Variants in ARAP2 observed in about 807,000 individuals in gnomAD.
ARAP2 encodes arf-GAP with Rho-GAP domain, ANK repeat and PH domain-containing protein 2.
A neutral mutation model predicts 194.5 loss-of-function variants in ARAP2; 148 were observed. The observed-to-expected ratio is 0.76, with a 90% CI of 0.67 to 0.87. The LOEUF is 0.87. ARAP2 is among the 40% of genes least tolerant of loss of function. ARAP2 has a pLI of 0.00. For missense variants in ARAP2, 2,128 were observed against 1,989.7 expected (o/e 1.07, Z -1.32); for synonymous variants, 695 against 683.5 (o/e 1.02, Z -0.26).
intron 26 of ARAP2, among the ~76,000 whole-genome samples, chr4:36,112,896 G>T (rs1720387294): frequency 1.3e-5 from 2 of 151,746 alleles, no homozygotes; most frequent in Admixed American, 1.3e-4. Context: ...ATACATGTTA[G>T]CCAAGCACAA....
At chr4:36,119,605 T>G in intron 24 of ARAP2, 45 bp downstream of exon 24, 2 of 1,381,158 alleles carry the variant, frequency 1.4e-6, no homozygotes, top group Middle Eastern at 1.8e-4. Flanking sequence ...CAATGGAAGT[T>G]TTTGTTTTGT....
chr4:36,085,751 T>C (rs936523532), intron 28 of ARAP2, among the ~76,000 whole-genome samples: 1 of 152,104 alleles, frequency 6.6e-6, no homozygotes, highest in African/African-American at 2.4e-5. Flanking sequence ...AACTTGAAAA[T>C]AATTGCATTA....
intron 22 of ARAP2, 128 bp downstream of exon 22, chr4:36,124,734 C>T (rs1430601279): frequency 5.8e-5 from 31 of 534,778 alleles, no homozygotes; most frequent in Non-Finnish European, 9.5e-5. Context: ...GTAAATGTGA[C>T]TTAATTACAG....
chr4:36,173,673 T>G (rs949431872), intron 9 of ARAP2, among the ~76,000 whole-genome samples: 1 of 151,842 alleles, frequency 6.6e-6, no homozygotes, highest in South Asian at 2.1e-4. Flanking sequence ...AAAAAAAAAT[T>G]TTAAAGCGAA....
intron 27 of ARAP2, among the ~76,000 whole-genome samples, chr4:36,101,159 T>C (rs1289672869): frequency 1.3e-5 from 2 of 151,976 alleles, no homozygotes; most frequent in African/African-American, 4.8e-5. Flanking sequence ...CCATTTGATA[T>C]AAGGGACTTG....
At chr4:36,240,047 A>C (rs1254633150) in intron 1 of ARAP2, among the ~76,000 whole-genome samples, 1 of 152,156 alleles carries the variant, frequency 6.6e-6, no homozygotes, top group East Asian at 1.9e-4. Flanking sequence ...TAACTATGTA[A>C]CTTAAGTTAT....
At chr4:36,164,087 T>A (rs1734720321) in intron 11 of ARAP2, among the ~76,000 whole-genome samples, 2 of 152,176 alleles carry the variant, frequency 1.3e-5, no homozygotes. Context: ...ATTTGTCTCA[T>A]TATTGTGGAG....
chr4:36,096,362 CAAAAAAAAA>C (rs10632831), intron 27 of ARAP2, among the ~76,000 whole-genome samples: 2 of 80,996 alleles, frequency 2.5e-5, no homozygotes, highest in Admixed American at 1.4e-4. Flanking sequence ...GAGACTCTCT[CAAAAAAAAA>C]AAAAAAAAAG....
At chr4:36,041,008 T>C (rs1168501066) in intron 5 of ARAP2, among the ~76,000 whole-genome samples, 2 of 152,120 alleles carry the variant, frequency 1.3e-5, no homozygotes, top group Non-Finnish European at 1.5e-5. Flanking sequence ...GTTCCTTCAA[T>C]ACCTAGTTTA....
intron 1 of ARAP2, among the ~76,000 whole-genome samples, chr4:36,060,831 G>C (rs1029669094): frequency 6.6e-6 from 1 of 152,006 alleles, no homozygotes. Flanking sequence ...TTCCTCTTAG[G>C]ACACCAGTCA....
chr4:36,020,869 T>C (rs1716809694), intron 5 of ARAP2, among the ~76,000 whole-genome samples: 1 of 152,210 alleles, frequency 6.6e-6, no homozygotes, highest in South Asian at 2.1e-4. Context: ...TAGACCTTGG[T>C]AGTGCTAACA....
intron 15 of ARAP2, among the ~76,000 whole-genome samples, chr4:36,156,435 GAAAGAAAGAGAAAGAAAGAAAGAAAGA>G (rs771242268): frequency 0.47 from 25,984 of 55,184 alleles, 4,610 homozygotes; most frequent in South Asian, 0.58. Flanking sequence ...AAGAAAGAAA[GAAAGAAAGAGAAAGAAAGAAAGAAAGA>G]AAGAAATGAA....
chr4:36,226,584 TCTAA>T (rs1316268776), intron 2 of ARAP2, among the ~76,000 whole-genome samples: 1 of 152,180 alleles, frequency 6.6e-6, no homozygotes, highest in Non-Finnish European at 1.5e-5. Context: ...AGCGTTTCAC[TCTAA>T]CTACTTATTT....
chr4:36,053,661 T>C (rs1723051198), intron 2 of ARAP2, among the ~76,000 whole-genome samples: 1 of 152,202 alleles, frequency 6.6e-6, no homozygotes, highest in African/African-American at 2.4e-5. Context: ...CAAATTATCC[T>C]TGTAAAATAT....
intron 28 of ARAP2, among the ~76,000 whole-genome samples, chr4:36,084,542 C>T (rs1730373214): frequency 6.6e-6 from 1 of 151,938 alleles, no homozygotes; most frequent in African/African-American, 2.4e-5. Context: ...TCTCAAAAAT[C>T]CAAATTAATG....
chr4:36,156,123 A>G (rs1346152056), intron 15 of ARAP2, among the ~76,000 whole-genome samples: 1 of 151,830 alleles, frequency 6.6e-6, no homozygotes, highest in African/African-American at 2.4e-5. Flanking sequence ...CTCTACTAAA[A>G]ATACAAAAAT....
chr4:36,058,216 A>G (rs1723841904), intron 1 of ARAP2: 1 of 152,194 alleles, frequency 6.6e-6, no homozygotes, highest in Non-Finnish European at 1.5e-5. Flanking sequence ...CCACCGCACT[A>G]TTAGGGATTT....
intron 19 of ARAP2, among the ~76,000 whole-genome samples, chr4:36,138,447 C>T (rs1016248198): frequency 6.6e-6 from 1 of 151,640 alleles, no homozygotes; most frequent in Non-Finnish European, 1.5e-5. Flanking sequence ...TCTAAAGCTT[C>T]ATAGGAATGG....
At chr4:36,080,192 G>A in intron 31 of ARAP2, 24 bp downstream of exon 31, 2 of 1,596,258 alleles carry the variant, frequency 1.3e-6, no homozygotes, top group Non-Finnish European at 1.7e-6. Context: ...ATACTCTACT[G>A]GATAGTTCAA....
Sources: allele counts gnomAD v4.1 joint callset (sites outside exome capture counted in the v4.1 genomes callset), GRCh38; gene constraint gnomAD v4.1.1; transcripts MANE v1.5; gene names NCBI Gene and HGNC (gene_info 2026-07-23, HGNC 2026-07-21).